The following CSMD1 variants were observed in gnomAD, a reference collection of about 807,000 sequenced individuals.
CSMD1 encodes CUB and sushi domain-containing protein 1.
A neutral mutation model predicts 417.5 loss-of-function variants in CSMD1; 213 were observed. That is an observed-to-expected ratio of 0.51 (90% CI 0.46 to 0.57). The LOEUF (loss-of-function observed/expected upper bound fraction) is 0.57. Among genes scored for constraint, CSMD1 ranks in the 20% least tolerant of loss-of-function variants. CSMD1 has a pLI of 0.00. For missense variants in CSMD1, 6,923 were observed against 4,529.7 expected (o/e 1.53, Z -15.17); for synonymous variants, 2,862 against 1,736.8 (o/e 1.65, Z -16.11).
intron 3 of CSMD1, among the ~76,000 whole-genome samples, chr8:4,349,912 G>T (rs1800991166): frequency 6.6e-6 from 1 of 150,796 alleles, no homozygotes; most frequent in East Asian, 2.0e-4. Flanking sequence ...TAGCAAAAAG[G>T]TTGTGCTATG....
intron 1 of CSMD1, among the ~76,000 whole-genome samples, chr8:4,710,339 C>T (rs986040667): frequency 1.3e-5 from 2 of 149,090 alleles, no homozygotes; most frequent in African/African-American, 2.5e-5. Context: ...TTCTAAAGTA[C>T]ATTAATACTT....
At chr8:4,534,387 A>G (rs922322865) in intron 2 of CSMD1, among the ~76,000 whole-genome samples, 1 of 152,228 alleles carries the variant, frequency 6.6e-6, no homozygotes, top group African/African-American at 2.4e-5. Context: ...TGGTTTATCA[A>G]TTGAAACTTG....
At chr8:4,672,673 G>A (rs1345302189) in intron 1 of CSMD1, among the ~76,000 whole-genome samples, 1 of 126,572 alleles carries the variant, frequency 7.9e-6, no homozygotes, top group African/African-American at 2.7e-5. Flanking sequence ...AGTTTTGGGA[G>A]AAAGGGGAGA....
chr8:4,894,540 G>A (rs560299553), intron 1 of CSMD1, among the ~76,000 whole-genome samples: 20 of 126,296 alleles, frequency 1.6e-4, no homozygotes, highest in East Asian at 2.3e-4. Context: ...GGACAACAGC[G>A]AGAACTCATC....
chr8:3,174,475 A>G (rs2129044991), intron 37 of CSMD1, among the ~76,000 whole-genome samples: 1 of 152,344 alleles, frequency 6.6e-6, no homozygotes, highest in South Asian at 2.1e-4. Context: ...AGCCTGGGCC[A>G]GAGTGAGATT....
intron 1 of CSMD1, among the ~76,000 whole-genome samples, chr8:4,765,127 C>G (rs1180407621): frequency 2.0e-5 from 3 of 152,066 alleles, no homozygotes; most frequent in Non-Finnish European, 4.4e-5. Flanking sequence ...TTGGGTCTCC[C>G]TCTGATGTTC....
chr8:4,105,900 C>G (rs1801543844), intron 3 of CSMD1, among the ~76,000 whole-genome samples: 1 of 152,200 alleles, frequency 6.6e-6, no homozygotes, highest in South Asian at 2.1e-4. Context: ...TCTGTGCTGG[C>G]CCCTGCAGGC....
intron 1 of CSMD1, among the ~76,000 whole-genome samples, chr8:4,876,700 C>A (rs76157813): frequency 6.6e-6 from 1 of 151,998 alleles, no homozygotes; most frequent in Non-Finnish European, 1.5e-5. Context: ...TCCTTCTGTG[C>A]TAATTTCTAA....
chr8:4,281,835 G>T (rs142955785), intron 3 of CSMD1, among the ~76,000 whole-genome samples: 5 of 152,116 alleles, frequency 3.3e-5, no homozygotes, highest in Admixed American at 2.0e-4. Context: ...TTCTAGAGCT[G>T]CCTCATAAAC....
At chr8:3,249,466 C>T (rs1002400052) in intron 26 of CSMD1, among the ~76,000 whole-genome samples, 4 of 152,232 alleles carry the variant, frequency 2.6e-5, no homozygotes, top group East Asian at 3.9e-4. Context: ...TTGGGTGATC[C>T]GCCCACCTTG....
chr8:3,496,881 G>C (rs899993172), intron 10 of CSMD1, among the ~76,000 whole-genome samples: 3 of 152,032 alleles, frequency 2.0e-5, no homozygotes, highest in Admixed American at 2.0e-4. Flanking sequence ...TAGACCCATT[G>C]GCCTATTTCT....
At chr8:3,104,231 G>T (rs980298949) in intron 46 of CSMD1, among the ~76,000 whole-genome samples, 7 of 152,124 alleles carry the variant, frequency 4.6e-5, no homozygotes, top group African/African-American at 1.4e-4. Flanking sequence ...GGCAGAAGAT[G>T]AACACTTTTT....
intron 5 of CSMD1, among the ~76,000 whole-genome samples, chr8:3,986,072 C>T (rs62501243): frequency 0.021 from 3,207 of 152,124 alleles, 50 homozygotes; most frequent in Non-Finnish European, 0.034. Context: ...AAGACCCCAT[C>T]CAAAAATCAA....
At chr8:3,982,117 A>T (rs1813916944) in intron 5 of CSMD1, among the ~76,000 whole-genome samples, 1 of 151,080 alleles carries the variant, frequency 6.6e-6, no homozygotes, top group Non-Finnish European at 1.5e-5. Context: ...GAGATTGCAC[A>T]ACTGCACTCC....
intron 7 of CSMD1, among the ~76,000 whole-genome samples, chr8:3,640,022 C>A (rs374827298): frequency 6.6e-6 from 1 of 152,106 alleles, no homozygotes; most frequent in Non-Finnish European, 1.5e-5. Flanking sequence ...AAATGTTTGT[C>A]GGAGAAATGA....
At chr8:4,000,605 T>C (rs1025792092) in intron 4 of CSMD1, among the ~76,000 whole-genome samples, 2 of 152,140 alleles carry the variant, frequency 1.3e-5, no homozygotes, top group African/African-American at 2.4e-5. Context: ...TATAAATATC[T>C]CCTTCATAAA....
chr8:3,430,547 C>T (rs552715567), intron 12 of CSMD1, among the ~76,000 whole-genome samples: 4 of 152,300 alleles, frequency 2.6e-5, no homozygotes, highest in Admixed American at 2.6e-4. Context: ...TGGCTTACAA[C>T]TGTAATCTCA....
chr8:3,533,062 C>A (rs943427038), intron 10 of CSMD1, among the ~76,000 whole-genome samples: 5 of 152,102 alleles, frequency 3.3e-5, no homozygotes, highest in Admixed American at 6.5e-5. Flanking sequence ...TTGAGATAAA[C>A]AGCTCGTAAT....
At chr8:3,851,041 A>C (rs1803871346) in intron 5 of CSMD1, among the ~76,000 whole-genome samples, 1 of 152,232 alleles carries the variant, frequency 6.6e-6, no homozygotes, top group Admixed American at 6.5e-5. Flanking sequence ...TCACATAACA[A>C]TTTGTAGAAA....
Sources: allele counts gnomAD v4.1 joint callset (sites outside exome capture counted in the v4.1 genomes callset), GRCh38; gene constraint gnomAD v4.1.1; transcripts MANE v1.5; gene names NCBI Gene and HGNC (gene_info 2026-07-23, HGNC 2026-07-21).